The following MYO5B variants were observed in gnomAD, a reference collection of about 807,000 sequenced individuals.
The protein encoded by MYO5B is unconventional myosin-Vb.
In MYO5B, 143 loss-of-function variants were observed where a neutral mutation model predicts 229.3. That is an observed-to-expected ratio of 0.62 (90% CI 0.54 to 0.72). MYO5B has a LOEUF of 0.72. Among genes scored for constraint, MYO5B ranks in the 30% least tolerant of loss-of-function variants. The pLI is 0.00. For missense variants in MYO5B, 2,321 were observed against 2,331.0 expected, an observed-to-expected ratio of 1.00 and a Z score of 0.09; for synonymous variants, 918 against 885.2, an observed-to-expected ratio of 1.04 and a Z score of -0.66.
At chr18:50,116,534 G>C (rs1231900152) in intron 1 of MYO5B, among the ~76,000 whole-genome samples, 1 of 150,410 alleles carries the variant, frequency 6.6e-6, no homozygotes, top group Non-Finnish European at 1.5e-5. Flanking sequence ...TCCAAAAAAA[G>C]AAAAAAAAAC....
chr18:50,044,538 A>T lies in MYO5B; in HGVS notation c.139-4224T>A, dbSNP rs563124954. Among the ~76,000 whole-genome samples, 14 of 152,238 alleles carry T rather than the reference A, an allele frequency of 9.2e-5. No individual in the cohort carries two copies. In the South Asian group the frequency reaches 2.9e-3, roughly 32 times the overall value. ...CAACTAGGAGCTGGGAATCAGGAACAGATGGAGGTCCCCAGTTGGTCCCTG... is the reference window on the plus strand; with the variant it reads ...CAACTAGGAGCTGGGAATCAGGAACTGATGGAGGTCCCCAGTTGGTCCCTG... On this transcript the variant is annotated intron_variant, in intron 2 of 39. Transcript: ENST00000285039.
chr18:49,897,031 C>T (rs982262602), intron 21 of MYO5B, among the ~76,000 whole-genome samples: 5 of 152,198 alleles, frequency 3.3e-5, no homozygotes, highest in African/African-American at 1.2e-4. Flanking sequence ...TGTTCAAGTT[C>T]TCTATGGAGA....
At chr18:49,948,095 C>T (rs1313152970) in intron 14 of MYO5B, among the ~76,000 whole-genome samples, 1 of 152,138 alleles carries the variant, frequency 6.6e-6, no homozygotes, top group African/African-American at 2.4e-5. Context: ...ACAGCTGACA[C>T]ATAGCTGTTA....
intron 22 of MYO5B, among the ~76,000 whole-genome samples, chr18:49,885,033 G>A (rs564838763): frequency 6.6e-6 from 1 of 152,278 alleles, no homozygotes; most frequent in East Asian, 1.9e-4. Context: ...CTGCTGGTGG[G>A]AATATAAAAT....
At position 49,902,772 on chromosome 18, in the gene MYO5B, C is replaced by A. The variant is rs780738516; in HGVS notation, c.2633G>T (p.Arg878Met). Residue 878 changes from arginine (R) to methionine (M), a missense_variant, in exon 21 of 40, where the codon AGG becomes ATG. Coordinates refer to ENST00000285039, the MANE Select transcript of MYO5B (RefSeq NM_001080467.3). ...TGCATCCCGCAGCCGCTGGAAGTGC[C>A]TGCGTGCCATCCAGCCCCGCACGTG... ...QKHVRGWMAR[R>M]HFQRLRDAAI... is the part of the protein sequence containing the mutation. 3.7e-6 allele frequency: 6 copies of A among 1,605,212 alleles called. No homozygotes were observed.
intron 4 of MYO5B, among the ~76,000 whole-genome samples, chr18:50,008,372 C>T (rs1271063163): frequency 1.3e-5 from 2 of 152,192 alleles, no homozygotes; most frequent in Non-Finnish European, 2.9e-5. Context: ...AGTGGTCTGG[C>T]ACCTGGATTT....
intron 39 of MYO5B, among the ~76,000 whole-genome samples, chr18:49,834,166 A>G (rs2023958320): frequency 6.6e-6 from 1 of 152,120 alleles, no homozygotes; most frequent in Non-Finnish European, 1.5e-5. Context: ...AGGAGCTCCA[A>G]ATAAAATCCC....
intron 1 of MYO5B, among the ~76,000 whole-genome samples, chr18:50,193,685 C>T (rs1328094286): frequency 1.3e-5 from 2 of 152,240 alleles, no homozygotes; most frequent in African/African-American, 4.8e-5. Flanking sequence ...TGCATAGGCA[C>T]TGTTAAACGT....
chr18:49,893,488 A>T (rs879930941), intron 22 of MYO5B, among the ~76,000 whole-genome samples: 1 of 152,176 alleles, frequency 6.6e-6, no homozygotes, highest in Non-Finnish European at 1.5e-5. Flanking sequence ...ATTTAACAGG[A>T]GTTTCCAAGC....
intron 16 of MYO5B, among the ~76,000 whole-genome samples, chr18:49,933,279 A>G (rs1790782): frequency 0.53 from 80,783 of 152,040 alleles, 21,833 homozygotes; most frequent in Middle Eastern, 0.72. Context: ...GCCCCAGGCC[A>G]CTGCTGCTCT....
chr18:49,894,838 C>T, intron 22 of MYO5B, 103 bp downstream of exon 22: 1 of 1,014,962 alleles, frequency 9.9e-7, no homozygotes. Context: ...GAGCCCAAGA[C>T]CATGGCAATT....
intron 4 of MYO5B, among the ~76,000 whole-genome samples, chr18:50,011,560 T>A (rs1465239464): frequency 1.3e-5 from 2 of 152,044 alleles, no homozygotes; most frequent in African/African-American, 4.8e-5. Context: ...CTGTTCCTCA[T>A]CCTGCCTTCC....
At chr18:49,882,075 C>A (rs942411776) in intron 22 of MYO5B, among the ~76,000 whole-genome samples, 1 of 152,096 alleles carries the variant, frequency 6.6e-6, no homozygotes, top group African/African-American at 2.4e-5. Flanking sequence ...CACATCCCTG[C>A]CTTTGTGACA....
intron 26 of MYO5B, 72 bp from the exon 27 acceptor site, chr18:49,872,304 G>T: frequency 3.3e-6 from 5 of 1,507,710 alleles, no homozygotes; most frequent in Non-Finnish European, 4.6e-6. Flanking sequence ...TTCCAACTGT[G>T]GTCAAACTTG....
chr18:50,101,091 A>G (rs1167534233), intron 1 of MYO5B, among the ~76,000 whole-genome samples: 1 of 152,252 alleles, frequency 6.6e-6, no homozygotes, highest in Non-Finnish European at 1.5e-5. Context: ...AGCATACTGT[A>G]TAGTTGAAGT....
Position 50,124,811 on chromosome 18 carries a change from G to A in MYO5B, c.28-69433C>T, listed in dbSNP as rs148967442. 3.9e-3 allele frequency among the ~76,000 whole-genome samples: 591 copies of A among 151,614 alleles called. 5 individuals are homozygous for A. The highest frequency in any genetic ancestry group is 0.013 in the African/African-American group (549 of 41,288). On this transcript the variant is annotated intron_variant, in intron 1 of 39. Transcript: ENST00000285039. ...TGAAAAGTATATGTTATTTTTAAGC[G>A]TCAACTTATTTCAGGAATGTGTACA...
intron 9 of MYO5B, among the ~76,000 whole-genome samples, chr18:49,975,035 A>G (rs2025734693): frequency 6.6e-6 from 1 of 152,226 alleles, no homozygotes; most frequent in African/African-American, 2.4e-5. Flanking sequence ...GCTTATGACC[A>G]TGCAATCCAT....
At chr18:49,988,796 C>T (rs184135905) in intron 7 of MYO5B, among the ~76,000 whole-genome samples, 72 of 152,318 alleles carry the variant, frequency 4.7e-4, no homozygotes, top group African/African-American at 1.7e-3. Context: ...CTCAGAGCCA[C>T]AGGCTCCAGC....
intron 21 of MYO5B, among the ~76,000 whole-genome samples, chr18:49,899,135 C>T (rs2024813420): frequency 6.6e-6 from 1 of 152,196 alleles, no homozygotes; most frequent in African/African-American, 2.4e-5. Flanking sequence ...GCTGTTCTCA[C>T]AAATACCTTG....
Sources: gnomAD v4.1 joint callset for allele counts (sites outside exome capture counted in the v4.1 genomes callset) on GRCh38, gnomAD v4.1.1 for gene constraint, MANE v1.5 for transcripts, NCBI Gene and HGNC (gene_info 2026-07-23, HGNC 2026-07-21) for gene names.